The following ZNF718 variants were observed in gnomAD, a reference collection of about 807,000 sequenced individuals.
ZNF718 encodes zinc finger protein 718.
In ZNF718, 3 loss-of-function variants were observed where a neutral mutation model predicts 2.6. That is an observed-to-expected ratio of 1.16 (90% CI 0.53 to 3.01). The LOEUF (loss-of-function observed/expected upper bound fraction) is 3.01, where lower values mean the gene tolerates loss of function less well. Among genes scored for constraint, ZNF718 ranks in the 30% most tolerant of loss-of-function variants. ZNF718 has a pLI of 0.03. For missense variants in ZNF718, 468 were observed against 230.0 expected, an observed-to-expected ratio of 2.03 and a Z score of -6.69; for synonymous variants, 135 against 77.9, an observed-to-expected ratio of 1.73 and a Z score of -3.86.
downstream of ZNF718, among the ~76,000 whole-genome samples, chr4:166,591 T>C (rs1206580815): frequency 1.3e-5 from 2 of 152,258 alleles, no homozygotes; most frequent in African/African-American, 4.8e-5. Flanking sequence ...TGCATTTCTC[T>C]GATGGCCAGT....
downstream of ZNF718, among the ~76,000 whole-genome samples, chr4:166,048 T>C (rs182380194): frequency 1.2e-3 from 184 of 152,278 alleles, 2 homozygotes; most frequent in Admixed American, 5.0e-3. Flanking sequence ...CCCCTTCCTG[T>C]GTCCATGAGT....
intron 3 of ZNF718, among the ~76,000 whole-genome samples, chr4:175,734 G>A (rs1188867711): frequency 6.6e-6 from 1 of 151,446 alleles, no homozygotes; most frequent in Non-Finnish European, 1.5e-5. Context: ...ATATGCCTTT[G>A]TTACCATAAA....
chr4:193,977 A>T (rs1182153044), intron 3 of ZNF718, among the ~76,000 whole-genome samples: 1 of 152,162 alleles, frequency 6.6e-6, no homozygotes, highest in Non-Finnish European at 1.5e-5. Flanking sequence ...AGCCCCTATT[A>T]GGCATTTGAT....
intron 3 of ZNF718, among the ~76,000 whole-genome samples, chr4:136,238 C>T (rs1480365517): frequency 1.3e-5 from 2 of 152,174 alleles, no homozygotes; most frequent in Non-Finnish European, 2.9e-5. Context: ...TACCGGGGAA[C>T]AGTTTTCACA....
chr4:132,316 C>G (rs1715370124), intron 3 of ZNF718, among the ~76,000 whole-genome samples: 1 of 103,482 alleles, frequency 9.7e-6, no homozygotes, highest in South Asian at 3.0e-4. Flanking sequence ...CATCTTCTCT[C>G]CCATGCTCTT....
intron 1 of ZNF718, among the ~76,000 whole-genome samples, chr4:126,259 G>C (rs1236137952): frequency 6.6e-6 from 1 of 152,230 alleles, no homozygotes; most frequent in Non-Finnish European, 1.5e-5. Flanking sequence ...CAAATTAGAA[G>C]AGGCTTAATG....
chr4:162,053 C>A lies in ZNF718; in HGVS notation c.1368C>A (p.Cys456Ter), dbSNP rs369590905. Reference protein sequence around the residue: ...TVDKPYKCKECGKAFKQYSNL... With the variant: ...TVDKPYKCKE Reference sequence around the variant, plus strand: ...ATAAACCCTACAAATGTAAAGAATGCGGGAAAGCTTTTAAGCAGTACTCCA... The same window carrying A: ...ATAAACCCTACAAATGTAAAGAATGAGGGAAAGCTTTTAAGCAGTACTCCA... Residue 456 changes from cysteine (C) to a stop codon, truncating the protein, a stop_gained, in exon 4 of 4, where the codon TGC becomes TGA. Coordinates refer to ENST00000510175, the MANE Select transcript of ZNF718 (RefSeq NM_001039127.6). LOFTEE classifies it low-confidence loss of function (END_TRUNC). 8.4e-5 allele frequency: 65 copies of A among 775,566 alleles called. 1 individual carries two copies. In the Middle Eastern group the frequency reaches 3.1e-3, roughly 38 times the overall value. 48.0% of individuals were successfully genotyped at this position (775,566 alleles called of 1,614,324 possible).
intron 3 of ZNF718, among the ~76,000 whole-genome samples, chr4:151,175 T>C (rs1281324855): frequency 1.3e-5 from 2 of 152,184 alleles, no homozygotes; most frequent in Admixed American, 1.3e-4. Flanking sequence ...TGATCTCAGC[T>C]CCCTGCAACT....
At chr4:136,554 A>T (rs1715581801) in intron 3 of ZNF718, 3 of 487,626 alleles carry the variant, frequency 6.2e-6, no homozygotes, top group South Asian at 4.4e-5. Context: ...CACCTGGGTG[A>T]GGCCCTGCTT....
At chr4:188,815 T>C (rs993524509) in intron 3 of ZNF718, among the ~76,000 whole-genome samples, 1 of 152,172 alleles carries the variant, frequency 6.6e-6, no homozygotes, top group Non-Finnish European at 1.5e-5. Context: ...GCTGGGCGTT[T>C]TGTTGGCTCT....
chr4:163,379 G>T lies in ZNF718; in HGVS notation c.*1257G>T, dbSNP rs552357850. On this transcript the variant is annotated 3_prime_UTR_variant, in exon 4 of 4. Coordinates refer to ENST00000510175, the MANE Select transcript of ZNF718 (RefSeq NM_001039127.6). The stretch of plus-strand genomic sequence containing the variant: ...AATTTTTTGTATTTTTAGTAGAGAC[G>T]GGGTTTCACCGTTTTAGCCGGGATG... 6.6e-6 allele frequency: 1 copy of T among 151,982 alleles called. No individual in the cohort carries two copies. The highest frequency in any genetic ancestry group is 2.1e-4 in the South Asian group (1 of 4,830). 9.4% of individuals were successfully genotyped at this position (151,982 alleles called of 1,614,324 possible). A position where few individuals can be genotyped will look rare whatever the true frequency, so the allele number is the denominator to read the frequency against.
chr4:138,134 T>C (rs1281405160), intron 3 of ZNF718, among the ~76,000 whole-genome samples: 4 of 152,360 alleles, frequency 2.6e-5, no homozygotes, highest in East Asian at 3.9e-4. Flanking sequence ...TTCTTTGTTT[T>C]ACAGACAACC....
In ZNF718 at chr4:133,203, T is replaced by A. The variant is rs1453159094; in HGVS notation, c.226+1698T>A. On this transcript the variant is annotated intron_variant, in intron 3 of 3. Coordinates refer to ENST00000510175, the MANE Select transcript of ZNF718 (RefSeq NM_001039127.6). Reference sequence around the variant, plus strand: ...AAAAAAAAAAAAAAAAAAATATATATATATATATATATATATATATATATA... The same window carrying A: ...AAAAAAAAAAAAAAAAAAATATATAAATATATATATATATATATATATATA... Among the ~76,000 whole-genome samples the A allele has an allele frequency of 1.5e-3, 143 of 98,392 alleles. 5 individuals carry two copies. The highest frequency in any genetic ancestry group is 4.2e-3 in the African/African-American group (79 of 18,902). 64.5% of individuals were successfully genotyped at this position (98,392 alleles called of 152,430 possible). A position where few individuals can be genotyped will look rare whatever the true frequency, so the allele number is the denominator to read the frequency against.
chr4:160,423 G>T (rs1716771500), intron 3 of ZNF718, among the ~76,000 whole-genome samples: 1 of 152,088 alleles, frequency 6.6e-6, no homozygotes, highest in Admixed American at 6.5e-5. Flanking sequence ...GTATATTTTT[G>T]TTATATATGT....
chr4:184,625 T>G (rs1208295555), intron 3 of ZNF718, among the ~76,000 whole-genome samples: 1 of 152,132 alleles, frequency 6.6e-6, no homozygotes, highest in Non-Finnish European at 1.5e-5. Flanking sequence ...GAATTCAGCT[T>G]TGAATCTGTC....
intron 3 of ZNF718, among the ~76,000 whole-genome samples, chr4:154,438 G>A (rs1361472137): frequency 7.9e-5 from 12 of 152,128 alleles, no homozygotes; most frequent in African/African-American, 2.9e-4. Flanking sequence ...TGTGTTGTAT[G>A]GCTTTGACCA....
intron 3 of ZNF718, chr4:149,711 C>T (rs1553812181): frequency 6.6e-6 from 1 of 151,924 alleles, no homozygotes; most frequent in Non-Finnish European, 1.5e-5. Context: ...TATTTATTTT[C>T]TTTGGTGGTC....
chr4:147,456 C>T (rs1716117006), intron 3 of ZNF718, among the ~76,000 whole-genome samples: 1 of 152,252 alleles, frequency 6.6e-6, no homozygotes, highest in Non-Finnish European at 1.5e-5. Flanking sequence ...GCATTGGAGC[C>T]AGGTCATGTA....
intron 3 of ZNF718, among the ~76,000 whole-genome samples, chr4:185,305 A>T (rs1027010162): frequency 1.3e-5 from 2 of 152,096 alleles, no homozygotes; most frequent in East Asian, 3.8e-4. Context: ...ATGTAGTTGC[A>T]TGGTTTTGAG....
Sources: allele counts gnomAD v4.1 joint callset (sites outside exome capture counted in the v4.1 genomes callset), GRCh38; gene constraint gnomAD v4.1.1; transcripts MANE v1.5; gene names NCBI Gene and HGNC (gene_info 2026-07-23, HGNC 2026-07-21).